RELN: variants seen among roughly 807,000 people sequenced by gnomAD.
RELN encodes the protein reelin.
A neutral mutation model predicts 427.6 loss-of-function variants in RELN; 108 were observed. The observed-to-expected ratio is 0.25, with a 90% CI of 0.22 to 0.30. RELN has a LOEUF of 0.30. RELN is among the 10% of genes least tolerant of loss of function. The probability of loss-of-function intolerance (pLI) is 1.00; values close to 1 mark genes in which losing one functional copy is unlikely to be tolerated. For synonymous variants in RELN, 1,524 were observed against 1,513.4 expected (o/e 1.01, Z -0.16); for missense variants, 3,715 against 4,302.8 (o/e 0.86, Z 3.82).
At chr7:103,689,962 G>C (rs756369098) in intron 10 of RELN, among the ~76,000 whole-genome samples, 6 of 152,106 alleles carry the variant, frequency 3.9e-5, no homozygotes, top group Non-Finnish European at 8.8e-5. Flanking sequence ...GATGTTTCAA[G>C]AGTGACTGAG....
At chr7:103,505,912 G>GA (rs1829193636) in intron 51 of RELN, among the ~76,000 whole-genome samples, 1 of 152,184 alleles carries the variant, frequency 6.6e-6, no homozygotes, top group African/African-American at 2.4e-5. Context: ...TGATGGAGCT[G>GA]AAAAACACAG....
At chr7:103,743,819 C>G (rs1398487544) in intron 6 of RELN, among the ~76,000 whole-genome samples, 1 of 152,004 alleles carries the variant, frequency 6.6e-6, no homozygotes, top group Admixed American at 6.6e-5. Context: ...TTATGGGAGA[C>G]TTTAACACCC....
At chr7:103,963,864 A>C (rs1353074167) in intron 1 of RELN, among the ~76,000 whole-genome samples, 1 of 152,220 alleles carries the variant, frequency 6.6e-6, no homozygotes, top group African/African-American at 2.4e-5. Flanking sequence ...GACTCTGACT[A>C]TTAATAACTA....
At chr7:103,529,471 AC>A (rs1458910261) in intron 46 of RELN, among the ~76,000 whole-genome samples, 2 of 150,902 alleles carry the variant, frequency 1.3e-5, no homozygotes, top group Non-Finnish European at 1.5e-5. Context: ...GATTTGGGTT[AC>A]CTGCCCTTCC....
chr7:103,873,464 C>A (rs1242434719), intron 2 of RELN, among the ~76,000 whole-genome samples: 3 of 102,952 alleles, frequency 2.9e-5, no homozygotes, highest in African/African-American at 1.1e-4. Context: ...GCTAGCAAGA[C>A]TAATAAAGAA....
chr7:103,639,189 A>G (rs1375597741), intron 17 of RELN, among the ~76,000 whole-genome samples: 2 of 152,186 alleles, frequency 1.3e-5, no homozygotes, highest in Non-Finnish European at 2.9e-5. Context: ...TGGTAGTTTT[A>G]CTAGAAAACA....
chr7:103,572,543 AT>A (rs1049209702), intron 30 of RELN, among the ~76,000 whole-genome samples: 50 of 148,214 alleles, frequency 3.4e-4, no homozygotes, highest in African/African-American at 6.4e-4. Flanking sequence ...GTTATAATTT[AT>A]TTTTTTTTTT....
chr7:103,501,793 C>A (rs1197801510), intron 52 of RELN, among the ~76,000 whole-genome samples: 2 of 152,200 alleles, frequency 1.3e-5, no homozygotes, highest in East Asian at 3.8e-4. Context: ...ATCCATTTCA[C>A]CCCAGATAAT....
At chr7:103,722,507 A>T (rs988116542) in intron 8 of RELN, among the ~76,000 whole-genome samples, 2 of 152,252 alleles carry the variant, frequency 1.3e-5, no homozygotes, top group Non-Finnish European at 2.9e-5. Flanking sequence ...TATACAAGTT[A>T]TTTATAAATA....
chr7:103,727,040 G>A (rs1012388579), intron 7 of RELN, among the ~76,000 whole-genome samples: 1 of 152,062 alleles, frequency 6.6e-6, no homozygotes, highest in African/African-American at 2.4e-5. Flanking sequence ...TGGCATGAAA[G>A]GGGTATTCAA....
At chr7:103,634,895 T>G (rs1325677951) in intron 19 of RELN, among the ~76,000 whole-genome samples, 2 of 152,110 alleles carry the variant, frequency 1.3e-5, no homozygotes, top group African/African-American at 2.4e-5. Context: ...AGTCTCGCTC[T>G]GTCGCCAGGT....
At chr7:103,890,358 G>A (rs1334553758) in intron 2 of RELN, among the ~76,000 whole-genome samples, 1 of 152,054 alleles carries the variant, frequency 6.6e-6, no homozygotes, top group Admixed American at 6.6e-5. Context: ...GAGCAGTAGT[G>A]GTCCCTGGCC....
intron 3 of RELN, among the ~76,000 whole-genome samples, chr7:103,793,270 A>G (rs956610012): frequency 6.6e-6 from 1 of 152,226 alleles, no homozygotes; most frequent in Non-Finnish European, 1.5e-5. Flanking sequence ...GTCATCTAGC[A>G]TATGTATAGC....
intron 6 of RELN, among the ~76,000 whole-genome samples, chr7:103,739,745 G>A (rs543916250): frequency 6.6e-6 from 1 of 152,288 alleles, no homozygotes; most frequent in East Asian, 1.9e-4. Context: ...GGGATATGAA[G>A]GGCCACTTCC....
rs1793070761 is a variant in RELN, at chr7:103,824,006, A to C, written c.473+9531T>G. 6.6e-6 allele frequency among the ~76,000 whole-genome samples: 1 copy of C among 152,110 alleles called. No individual in the cohort carries two copies. Among genetic ancestry groups the C allele is most frequent in the African/African-American group, 2.4e-5 (1 of 41,438 alleles). ...TGTCTTCTGGCATCTTTTGTTGCTG[A>C]TGAGACCACTGTCAGATTAAATTTA... is the stretch of plus-strand genomic sequence containing the variant. On this transcript the variant is annotated intron_variant, in intron 3 of 64. Coordinates refer to ENST00000428762, the MANE Select transcript of RELN (RefSeq NM_005045.4). The surrounding 1 kb of genome is among the most constrained non-coding windows in gnomAD (Gnocchi z 4.4).
chr7:103,985,665 A>T (rs1399261965), intron 1 of RELN, among the ~76,000 whole-genome samples: 3 of 152,200 alleles, frequency 2.0e-5, no homozygotes, highest in African/African-American at 7.2e-5. Flanking sequence ...TACAATAAAA[A>T]ATGTGGGAAA....
At chr7:103,650,946 G>A (rs867225752) in intron 15 of RELN, among the ~76,000 whole-genome samples, 3 of 152,042 alleles carry the variant, frequency 2.0e-5, no homozygotes, top group African/African-American at 7.2e-5. Context: ...AATAGTGAGG[G>A]ATATTTAGTT....
Position 103,640,598 on chromosome 7 carries a change from G to A in RELN, c.2014C>T (p.Pro672Ser), listed in dbSNP as rs1446098977. 6.2e-7 allele frequency: 1 copy of A among 1,613,670 alleles called. No homozygotes were observed. The highest frequency in any genetic ancestry group is 8.5e-7 in the Non-Finnish European group (1 of 1,179,820). Residue 672 changes from proline to serine, a missense_variant, in exon 17 of 65, where the codon CCG (proline) becomes TCG (serine). Transcript: ENST00000428762. The surrounding 1 kb of genome is among the most constrained non-coding windows in gnomAD (Gnocchi z 4.1). ...MWAIDNVYIG[P>S]SCLKFCSGRG... ...CCAGAACAGAATTTGAGACATGACG[G>A]GCCAATATAAACTGTGGGAGGGAAA... is the stretch of plus-strand genomic sequence containing the variant.
In RELN at chr7:103,554,294, T is replaced by C. The variant is rs540711385; in HGVS notation, c.5798-463A>G. The stretch of plus-strand genomic sequence containing the variant: ...TTTGTATATTGTCAGTGATTAAAAC[T>C]GGCCAGGCACGGTGGCTCACGCCTG... On this transcript the variant is annotated intron_variant, in intron 38 of 64. Transcript: ENST00000428762. 4.6e-5 allele frequency among the ~76,000 whole-genome samples: 7 copies of C among 151,960 alleles called. No individual in the cohort carries two copies. In the East Asian group the frequency reaches 1.4e-3, roughly 29 times the overall value.
Sources: gnomAD v4.1 joint callset for allele counts (sites outside exome capture counted in the v4.1 genomes callset) on GRCh38, gnomAD v4.1.1 for gene constraint, Gnocchi (gnomAD v3.1) non-coding constraint, MANE v1.5 for transcripts, NCBI Gene and HGNC (gene_info 2026-07-23, HGNC 2026-07-21) for gene names.